Variants in CCSER1 observed in about 807,000 individuals in gnomAD.
The protein encoded by CCSER1 is coiled-coil serine rich protein 1.
Under a neutral mutation model 82.0 loss-of-function variants are expected in CCSER1, and 41 were observed. The ratio of observed to expected loss-of-function variants is 0.50; its 90% confidence interval spans 0.39 to 0.65. The LOEUF is 0.65. CCSER1 is among the 30% of genes least tolerant of loss of function. The pLI is 0.00. For missense variants in CCSER1, 1,119 were observed against 1,064.2 expected (o/e 1.05, Z -0.72); for synonymous variants, 414 against 383.9 (o/e 1.08, Z -0.92).
chr4:91,047,880 A>G (rs1437057472), intron 9 of CCSER1, among the ~76,000 whole-genome samples: 1 of 152,138 alleles, frequency 6.6e-6, no homozygotes, highest in Non-Finnish European at 1.5e-5. Flanking sequence ...AAAGTAATGT[A>G]TGATTTTTTC....
At chr4:91,190,643 G>C (rs962230961) in intron 10 of CCSER1, among the ~76,000 whole-genome samples, 1 of 152,166 alleles carries the variant, frequency 6.6e-6, no homozygotes, top group Non-Finnish European at 1.5e-5. Flanking sequence ...CTCTGAGACT[G>C]TATGCATATG....
intron 5 of CCSER1, among the ~76,000 whole-genome samples, chr4:90,595,638 G>A (rs1182780346): frequency 2.0e-5 from 3 of 151,966 alleles, no homozygotes; most frequent in African/African-American, 7.2e-5. Context: ...ATCCTTGGGT[G>A]GTTCTGGTCT....
chr4:91,166,627 G>T, intron 10 of CCSER1, among the ~76,000 whole-genome samples: 1 of 152,120 alleles, frequency 6.6e-6, no homozygotes, highest in Admixed American at 6.6e-5. Context: ...AGAATAATAT[G>T]TTTAGATATT....
chr4:90,439,990 T>G lies in CCSER1; in HGVS notation c.1604-28244T>G, dbSNP rs1206118769. Among the ~76,000 whole-genome samples the G allele has an allele frequency of 2.0e-5, 3 of 152,092 alleles. No individual in the cohort carries two copies. In the South Asian group the frequency reaches 6.2e-4, roughly 32 times the overall value. On this transcript the variant is annotated intron_variant, in intron 4 of 10. Transcript: ENST00000509176. The stretch of plus-strand genomic sequence containing the variant: ...GGAGTACTGGATTATATCTTCCTAG[T>G]AATGTTTTGTTATTTTATTTTTTTT...
intron 4 of CCSER1, among the ~76,000 whole-genome samples, chr4:90,428,437 T>C (rs1448864273): frequency 2.0e-5 from 3 of 151,918 alleles, no homozygotes; most frequent in South Asian, 4.1e-4. Context: ...AATAGCCTGT[T>C]GTTGATTGGA....
intron 5 of CCSER1, among the ~76,000 whole-genome samples, chr4:90,506,954 A>G (rs1027902760): frequency 5.3e-5 from 8 of 152,142 alleles, no homozygotes; most frequent in Admixed American, 1.3e-4. Context: ...AAATGAATAG[A>G]TTTGGTTGAC....
intron 5 of CCSER1, among the ~76,000 whole-genome samples, chr4:90,541,896 A>T (rs1213996134): frequency 6.6e-6 from 1 of 152,082 alleles, no homozygotes; most frequent in Non-Finnish European, 1.5e-5. Flanking sequence ...CAACAGCATT[A>T]TATATCTAAT....
In CCSER1 at chr4:90,641,913, G is replaced by A. The variant is rs745738476; in HGVS notation, c.1932+13681G>A. On this transcript the variant is annotated intron_variant, in intron 6 of 10. Transcript: ENST00000509176. ...AATTAATCAAATAACCACTAATGTG[G>A]TTTTATTATGCATGTCTAACTTTCA... 75 of 324,364 alleles carry A rather than the reference G, an allele frequency of 2.3e-4. 3 individuals are homozygous for A. The highest frequency in any genetic ancestry group is 1.6e-3 in the Middle Eastern group (4 of 2,518). The allele number at this position is 324,364 out of a possible 1,614,324, so 20.1% of individuals were successfully genotyped here. A position where few individuals can be genotyped will look rare whatever the true frequency, so the allele number is the denominator to read the frequency against.
intron 10 of CCSER1, among the ~76,000 whole-genome samples, chr4:91,178,893 C>T (rs909114344): frequency 1.3e-5 from 2 of 152,138 alleles, no homozygotes; most frequent in African/African-American, 2.4e-5. Context: ...TTCTTCCTTG[C>T]ATTGATGGTT....
intron 8 of CCSER1, among the ~76,000 whole-genome samples, chr4:90,826,967 G>A (rs1760549294): frequency 6.6e-6 from 1 of 152,138 alleles, no homozygotes; most frequent in African/African-American, 2.4e-5. Context: ...CCCGTTCAGT[G>A]TTACAAAGCC....
chr4:90,637,987 T>C (rs1725739264), intron 6 of CCSER1, among the ~76,000 whole-genome samples: 3 of 152,154 alleles, frequency 2.0e-5, no homozygotes, highest in Admixed American at 1.3e-4. Context: ...GTGAACCTTA[T>C]TCGGGAATCA....
At chr4:90,590,894 G>A (rs1326383063) in intron 5 of CCSER1, among the ~76,000 whole-genome samples, 1 of 152,134 alleles carries the variant, frequency 6.6e-6, no homozygotes, top group Non-Finnish European at 1.5e-5. Context: ...TGGGCAGTAT[G>A]GCCATTTTCA....
rs1278238047 is a variant in CCSER1, at chr4:91,013,671, C to T, written c.2173-72279C>T. Reference sequence around the variant, plus strand: ...AGGCTGGAGTGCAGTGGCGCGATCTCGGCTCACTGCAAGCTCCGCCTCCCG... The same window carrying T: ...AGGCTGGAGTGCAGTGGCGCGATCTTGGCTCACTGCAAGCTCCGCCTCCCG... On this transcript the variant is annotated intron_variant, in intron 9 of 10. Transcript: ENST00000509176. Among the ~76,000 whole-genome samples the T allele has an allele frequency of 4.9e-5, 6 of 123,626 alleles. 2 individuals carry two copies. Among genetic ancestry groups the T allele is most frequent in the Non-Finnish European group, 9.3e-5 (5 of 53,774 alleles). 81.1% of individuals were successfully genotyped at this position (123,626 alleles called of 152,430 possible).
intron 5 of CCSER1, among the ~76,000 whole-genome samples, chr4:90,481,487 G>T (rs1765954031): frequency 6.6e-6 from 1 of 152,192 alleles, no homozygotes; most frequent in African/African-American, 2.4e-5. Flanking sequence ...TGTCCATTCA[G>T]TATGATATGG....
chr4:90,839,140 G>A (rs930930588), intron 8 of CCSER1: 3 of 872,674 alleles, frequency 3.4e-6, no homozygotes, highest in Non-Finnish European at 5.6e-6. Flanking sequence ...AATAATGTTT[G>A]CATTTCTTCT....
chr4:90,888,203 T>G (rs1306779439), intron 8 of CCSER1, among the ~76,000 whole-genome samples: 1 of 152,158 alleles, frequency 6.6e-6, no homozygotes, highest in Non-Finnish European at 1.5e-5. Context: ...ACTTCTTCAT[T>G]ACAGTTGAAT....
At chr4:91,362,330 C>CT (rs1278526016) in intron 10 of CCSER1, among the ~76,000 whole-genome samples, 1 of 151,664 alleles carries the variant, frequency 6.6e-6, no homozygotes, top group Non-Finnish European at 1.5e-5. Context: ...GAGTATGGGG[C>CT]TGAAAGCTCA....
At chr4:90,396,045 C>T (rs1449564537) in intron 3 of CCSER1, among the ~76,000 whole-genome samples, 1 of 152,144 alleles carries the variant, frequency 6.6e-6, no homozygotes, top group Non-Finnish European at 1.5e-5. Context: ...CGCACCCCTG[C>T]ACTCCAGCCT....
intron 7 of CCSER1, among the ~76,000 whole-genome samples, chr4:90,741,003 A>T (rs1402488451): frequency 6.6e-6 from 1 of 152,150 alleles, no homozygotes; most frequent in Admixed American, 6.5e-5. Context: ...AATCTGAAGG[A>T]TATATACATT....
Sources: allele counts gnomAD v4.1 joint callset (sites outside exome capture counted in the v4.1 genomes callset), GRCh38; gene constraint gnomAD v4.1.1; transcripts MANE v1.5; gene names NCBI Gene and HGNC (gene_info 2026-07-23, HGNC 2026-07-21).